AMOTL1: variants seen among roughly 807,000 people sequenced by gnomAD.
The protein encoded by AMOTL1 is angiomotin-like protein 1.
A neutral mutation model predicts 102.9 loss-of-function variants in AMOTL1; 45 were observed. The ratio of observed to expected loss-of-function variants is 0.44; its 90% CI spans 0.34 to 0.56. The LOEUF (loss-of-function observed/expected upper bound fraction) is 0.56. AMOTL1 is among the 20% of genes least tolerant of loss of function. The probability of loss-of-function intolerance (pLI) is 0.01; values close to 1 mark genes in which losing one functional copy is unlikely to be tolerated. For synonymous variants in AMOTL1, 481 were observed against 484.7 expected (o/e 0.99, Z 0.10); for missense variants, 1,114 against 1,225.6 (o/e 0.91, Z 1.36).
intron 3 of AMOTL1, among the ~76,000 whole-genome samples, chr11:94,816,911 A>G (rs1951776016): frequency 6.6e-6 from 1 of 152,202 alleles, no homozygotes; most frequent in Non-Finnish European, 1.5e-5. Context: ...ATGTTGAGAG[A>G]TAAAATTAGT....
At chr11:94,760,836 T>C (rs146017509) in intron 3 of AMOTL1, among the ~76,000 whole-genome samples, 2 of 152,358 alleles carry the variant, frequency 1.3e-5, no homozygotes, top group African/African-American at 4.8e-5. Context: ...TTTGATGGTT[T>C]TGGGGGAACA....
intron 2 of AMOTL1, among the ~76,000 whole-genome samples, chr11:94,733,248 T>C (rs75834794): frequency 0.025 from 3,814 of 152,318 alleles, 162 homozygotes; most frequent in African/African-American, 0.086. Context: ...TCTGAGAAGT[T>C]TGATCCTTTT....
At chr11:94,821,880 T>G (rs1046037657) in intron 4 of AMOTL1, 59 bp downstream of exon 4, 49 of 1,579,926 alleles carry the variant, frequency 3.1e-5, no homozygotes, top group Non-Finnish European at 4.1e-5. Context: ...TCATGGGGAG[T>G]TGATGCACTG....
intron 12 of AMOTL1, 53 bp downstream of exon 12, chr11:94,869,526 C>G: frequency 6.6e-7 from 1 of 1,504,718 alleles, no homozygotes; most frequent in Non-Finnish European, 8.9e-7. Flanking sequence ...ACTGTCTGGC[C>G]TAAGAGAATC....
chr11:94,829,826 C>T (rs1311119195), intron 4 of AMOTL1, among the ~76,000 whole-genome samples: 4 of 152,174 alleles, frequency 2.6e-5, no homozygotes, highest in African/African-American at 4.8e-5. Flanking sequence ...TCAGACAGTT[C>T]GGCCAGACTT....
intron 1 of AMOTL1, among the ~76,000 whole-genome samples, chr11:94,709,959 T>C (rs1427187149): frequency 5.3e-5 from 8 of 152,212 alleles, no homozygotes; most frequent in African/African-American, 1.9e-4. Flanking sequence ...CTCAAATGTT[T>C]TAGTTAAAAA....
chr11:94,766,680 C>A (rs142698004), upstream of AMOTL1, among the ~76,000 whole-genome samples: 2 of 152,178 alleles, frequency 1.3e-5, no homozygotes, highest in African/African-American at 2.4e-5. Flanking sequence ...TCCTAATTTG[C>A]GATTCAGGGT....
intron 3 of AMOTL1, among the ~76,000 whole-genome samples, chr11:94,742,537 C>G (rs555861267): frequency 6.6e-6 from 1 of 152,132 alleles, no homozygotes; most frequent in East Asian, 1.9e-4. Context: ...CCCTCTGGGA[C>G]TTACAGACTG....
chr11:94,758,813 C>T (rs1950758783), intron 3 of AMOTL1, among the ~76,000 whole-genome samples: 1 of 152,116 alleles, frequency 6.6e-6, no homozygotes, highest in African/African-American at 2.4e-5. Flanking sequence ...CTCATTTGCT[C>T]ACTCCTTAAC....
At chr11:94,718,625 A>G (rs1268846986) in intron 1 of AMOTL1, among the ~76,000 whole-genome samples, 3 of 151,916 alleles carry the variant, frequency 2.0e-5, no homozygotes, top group African/African-American at 7.3e-5. Flanking sequence ...GATAAGTGAA[A>G]AAAAAGATAT....
At chr11:94,845,267 A>G (rs1453587962) in intron 6 of AMOTL1, among the ~76,000 whole-genome samples, 1 of 152,222 alleles carries the variant, frequency 6.6e-6, no homozygotes, top group Non-Finnish European at 1.5e-5. Flanking sequence ...TAAGACAGAA[A>G]GGGGACATCT....
intron 6 of AMOTL1, among the ~76,000 whole-genome samples, chr11:94,838,913 A>G (rs1952238468): frequency 7.5e-6 from 1 of 133,510 alleles, no homozygotes; most frequent in African/African-American, 2.6e-5. Context: ...CCCTGTGGTT[A>G]TCCATGATAG....
chr11:94,821,834 C>A lies in AMOTL1; in HGVS notation c.1413+13C>A. On this transcript the variant is annotated intron_variant, in intron 4 of 12. Transcript: ENST00000433060. Reference sequence around the variant, plus strand: ...CAAGCTCCACAAGGTGCGTGACTTCCCTGGGGAATGGGAGGGAGACAAATT... The same window carrying A: ...CAAGCTCCACAAGGTGCGTGACTTCACTGGGGAATGGGAGGGAGACAAATT... 1 of 1,610,268 alleles carries A rather than the reference C, an allele frequency of 6.2e-7. No individual in the cohort carries two copies. The highest frequency in any genetic ancestry group is 8.5e-7 in the Non-Finnish European group (1 of 1,177,250).
At chr11:94,718,486 GT>G (rs1950128936) in intron 1 of AMOTL1, among the ~76,000 whole-genome samples, 1 of 152,084 alleles carries the variant, frequency 6.6e-6, no homozygotes, top group African/African-American at 2.4e-5. Context: ...ATTAGAGGAT[GT>G]GGGGATGTGC....
At chr11:94,803,973 A>G (rs1951525125) in intron 3 of AMOTL1, among the ~76,000 whole-genome samples, 1 of 152,240 alleles carries the variant, frequency 6.6e-6, no homozygotes, top group Non-Finnish European at 1.5e-5. Flanking sequence ...ATTGTATCAC[A>G]AGCTTTTTTC....
chr11:94,842,003 A>G (rs1364479285), intron 6 of AMOTL1, among the ~76,000 whole-genome samples: 3 of 152,242 alleles, frequency 2.0e-5, no homozygotes, highest in African/African-American at 7.2e-5. Flanking sequence ...TAGATAAATT[A>G]TATAAAATAA....
intron 6 of AMOTL1, among the ~76,000 whole-genome samples, chr11:94,833,506 A>G (rs1161457878): frequency 1.3e-5 from 2 of 152,232 alleles, no homozygotes; most frequent in Non-Finnish European, 2.9e-5. Flanking sequence ...TATAGAAGAC[A>G]CTTTTAAGTG....
chr11:94,866,122 G>A lies in AMOTL1; in HGVS notation c.2442G>A (p.Gln814=), dbSNP rs551190032. Residue 814 remains glutamine (Q), a synonymous_variant, in exon 11 of 13, where the codon CAG becomes CAA. Transcript: ENST00000433060. The part of the protein sequence containing the change: ...HSRQTSLTSS[Q]LAEEKKEEKT... ...GCCAGACCTCTCTTACCAGCAGCCA[G>A]CTGGCTGAGGAAAAGAAGGAAGAGA... The A allele has an allele frequency of 6.1e-5, 98 of 1,613,992 alleles. No homozygotes were observed. In the South Asian group the frequency reaches 1.1e-3, roughly 17 times the overall value.
intron 3 of AMOTL1, among the ~76,000 whole-genome samples, chr11:94,756,392 C>T (rs1950725865): frequency 6.6e-6 from 1 of 152,134 alleles, no homozygotes. Flanking sequence ...TTATTATGAC[C>T]CAACATAAGG....
Sources: allele counts gnomAD v4.1 joint callset (sites outside exome capture counted in the v4.1 genomes callset), GRCh38; gene constraint gnomAD v4.1.1; transcripts MANE v1.5; gene names NCBI Gene and HGNC (gene_info 2026-07-23, HGNC 2026-07-21).